Variants in LRRC7 observed in about 807,000 individuals in gnomAD.
The protein encoded by LRRC7 is leucine rich repeat containing 7.
A neutral mutation model predicts 175.7 loss-of-function variants in LRRC7; 23 were observed. The ratio of observed to expected loss-of-function variants is 0.13; its 90% CI spans 0.09 to 0.19. The LOEUF is 0.19. Ranked by LOEUF, LRRC7 falls within the 10% of genes least tolerant of loss-of-function variation. The pLI, the probability that LRRC7 is intolerant of heterozygous loss-of-function variation, is 1.00. For missense variants in LRRC7, 1,354 were observed against 1,904.7 expected (o/e 0.71, Z 5.38); for synonymous variants, 685 against 680.9 (o/e 1.01, Z -0.09).
chr1:69,729,358 G>A (rs944137438), intron 2 of LRRC7, among the ~76,000 whole-genome samples: 1 of 152,000 alleles, frequency 6.6e-6, no homozygotes, highest in Non-Finnish European at 1.5e-5. Flanking sequence ...CTGAGACAAG[G>A]CAAGTCCCTT....
At chr1:69,622,451 A>G (rs939483774) in intron 1 of LRRC7, among the ~76,000 whole-genome samples, 1 of 152,188 alleles carries the variant, frequency 6.6e-6, no homozygotes, top group Non-Finnish European at 1.5e-5. Flanking sequence ...GAGATAATTT[A>G]TTATTTTGGC....
At chr1:70,087,912 G>T (rs1430631168) in intron 24 of LRRC7, among the ~76,000 whole-genome samples, 1 of 152,126 alleles carries the variant, frequency 6.6e-6, no homozygotes, top group East Asian at 1.9e-4. Context: ...AATTGATCCA[G>T]GTTCTAGTGA....
At chr1:69,967,793 A>G (rs943480826) in intron 8 of LRRC7, among the ~76,000 whole-genome samples, 1 of 152,104 alleles carries the variant, frequency 6.6e-6, no homozygotes, top group Non-Finnish European at 1.5e-5. Context: ...GTAAAAAGGA[A>G]CTGAAGAACA....
At chr1:70,106,176 T>C (rs889571803) in intron 25 of LRRC7, among the ~76,000 whole-genome samples, 1 of 152,212 alleles carries the variant, frequency 6.6e-6, no homozygotes, top group African/African-American at 2.4e-5. Context: ...ATAGTTGATA[T>C]TCTACAATTT....
intron 14 of LRRC7, 51 bp from the exon 15 acceptor site, chr1:70,018,668 G>C: frequency 7.8e-7 from 1 of 1,284,830 alleles, no homozygotes; most frequent in East Asian, 2.3e-5. Flanking sequence ...ACTATTGACT[G>C]TTATATATTT....
intron 2 of LRRC7, among the ~76,000 whole-genome samples, chr1:69,734,737 C>A (rs1224385948): frequency 5.9e-5 from 9 of 151,772 alleles, no homozygotes; most frequent in Admixed American, 5.9e-4. Flanking sequence ...CTTTCTATTT[C>A]TTTACTTCCT....
chr1:69,848,217 G>C (rs1380351556), intron 7 of LRRC7, among the ~76,000 whole-genome samples: 1 of 152,046 alleles, frequency 6.6e-6, no homozygotes, highest in Admixed American at 6.6e-5. Flanking sequence ...AATATAATAA[G>C]CTTAATTCTG....
chr1:70,069,427 C>G (rs927344083), intron 23 of LRRC7, among the ~76,000 whole-genome samples: 1 of 152,118 alleles, frequency 6.6e-6, no homozygotes, highest in Non-Finnish European at 1.5e-5. Context: ...TGGTCCCGCC[C>G]TTGACATGTG....
chr1:70,060,528 T>G (rs888773364), intron 23 of LRRC7, among the ~76,000 whole-genome samples: 2 of 152,054 alleles, frequency 1.3e-5, no homozygotes, highest in Admixed American at 6.6e-5. Flanking sequence ...TTGGGGTGAA[T>G]GTAGCTTATT....
At chr1:69,579,883 C>G (rs1325986447) in intron 1 of LRRC7, among the ~76,000 whole-genome samples, 9 of 151,532 alleles carry the variant, frequency 5.9e-5, no homozygotes, top group Non-Finnish European at 4.4e-5. Context: ...GTCCTCCTGC[C>G]TTCGCCTCCC....
chr1:69,867,430 G>T (rs1429066666), intron 7 of LRRC7, among the ~76,000 whole-genome samples: 1 of 152,148 alleles, frequency 6.6e-6, no homozygotes, highest in Non-Finnish European at 1.5e-5. Context: ...CATACGAAAG[G>T]ATTGGAACTT....
At chr1:69,710,101 C>G (rs1412769600) in intron 2 of LRRC7, among the ~76,000 whole-genome samples, 1 of 151,636 alleles carries the variant, frequency 6.6e-6, no homozygotes, top group African/African-American at 2.4e-5. Context: ...CACAGTGAAA[C>G]CCCATATTTA....
chr1:70,024,143 T>A (rs1396200638), intron 17 of LRRC7, among the ~76,000 whole-genome samples: 4 of 152,156 alleles, frequency 2.6e-5, no homozygotes, highest in African/African-American at 7.2e-5. Flanking sequence ...AAAATTGCTA[T>A]AAGTTTCTTT....
chr1:70,016,441 A>G (rs757812464), intron 13 of LRRC7, 24 bp from the exon 14 acceptor site: 4 of 1,532,578 alleles, frequency 2.6e-6, no homozygotes, highest in African/African-American at 1.4e-5. Flanking sequence ...TACCCATGCT[A>G]TTAGACTTTT....
chr1:69,739,471 G>A (rs1373432813), intron 2 of LRRC7, among the ~76,000 whole-genome samples: 1 of 152,058 alleles, frequency 6.6e-6, no homozygotes, highest in African/African-American at 2.4e-5. Context: ...CTACTGCCAA[G>A]CCTGTTTAGC....
intron 8 of LRRC7, among the ~76,000 whole-genome samples, chr1:69,947,664 G>A (rs911436356): frequency 1.4e-4 from 21 of 151,564 alleles, no homozygotes; most frequent in African/African-American, 4.6e-4. Context: ...TCTGTACCAG[G>A]CTTAACAATG....
chr1:69,934,608 A>T (rs1647790697), intron 8 of LRRC7, among the ~76,000 whole-genome samples: 1 of 152,008 alleles, frequency 6.6e-6, no homozygotes, highest in Non-Finnish European at 1.5e-5. Flanking sequence ...AAGTGAAAAA[A>T]TGAGAGTAAG....
Position 70,128,495 on chromosome 1 carries a change from G to A in LRRC7, c.*6608G>A, listed in dbSNP as rs1472989089. ...ATCCAGAGTAAAGTATCTTAGTACA[G>A]GGAACTTTATTTTCATAGCAAACTC... On this transcript the variant is annotated 3_prime_UTR_variant, in exon 27 of 27. Transcript: ENST00000651989. 2 of 152,072 alleles carry A rather than the reference G, an allele frequency of 1.3e-5. No homozygotes were observed. The highest frequency in any genetic ancestry group is 2.9e-5 in the Non-Finnish European group (2 of 68,026). The allele number at this position is 152,072 out of a possible 1,614,324, so 9.4% of individuals were successfully genotyped here. A position where few individuals can be genotyped will look rare whatever the true frequency, so the allele number is the denominator to read the frequency against.
intron 4 of LRRC7, among the ~76,000 whole-genome samples, chr1:69,810,242 A>T (rs1363197302): frequency 6.6e-6 from 1 of 152,168 alleles, no homozygotes; most frequent in Non-Finnish European, 1.5e-5. Context: ...TTCAAGGAGA[A>T]CTACAAACCA....
Sources: allele counts gnomAD v4.1 joint callset (sites outside exome capture counted in the v4.1 genomes callset), GRCh38; gene constraint gnomAD v4.1.1; transcripts MANE v1.5; gene names NCBI Gene and HGNC (gene_info 2026-07-23, HGNC 2026-07-21).